MAP2K4: variants seen among roughly 807,000 people sequenced by gnomAD.
MAP2K4 encodes dual specificity mitogen-activated protein kinase kinase 4.
A neutral mutation model predicts 48.5 loss-of-function variants in MAP2K4; 4 were observed. The observed-to-expected ratio is 0.08, with a 90% CI of 0.04 to 0.19. MAP2K4 has a LOEUF of 0.19. MAP2K4 is among the 10% of genes least tolerant of loss of function. The pLI is 1.00. For missense variants in MAP2K4, 258 were observed against 493.3 expected, an observed-to-expected ratio of 0.52 and a Z score of 4.52; for synonymous variants, 166 against 173.1, an observed-to-expected ratio of 0.96 and a Z score of 0.32.
intron 3 of MAP2K4, among the ~76,000 whole-genome samples, chr17:12,090,527 C>G (rs148960495): frequency 3.3e-5 from 5 of 152,144 alleles, no homozygotes; most frequent in Non-Finnish European, 5.9e-5. Context: ...TATTTTGCCT[C>G]GTCTGCAACT....
intron 9 of MAP2K4, among the ~76,000 whole-genome samples, chr17:12,135,637 C>T (rs1973183115): frequency 6.6e-6 from 1 of 152,108 alleles, no homozygotes; most frequent in East Asian, 1.9e-4. Flanking sequence ...GCAGCCTCCA[C>T]CTCCCAGGTT....
chr17:12,059,942 T>C (rs9910198), intron 2 of MAP2K4, among the ~76,000 whole-genome samples: 145,427 of 152,212 alleles, frequency 0.96, 69,815 homozygotes, highest in East Asian at 1. Flanking sequence ...CTTTGGGAGG[T>C]CGAGGCAGGA....
Position 12,094,270 on chromosome 17 carries a change from T to A in MAP2K4, c.394-1305T>A, listed in dbSNP as rs551401012. Among the ~76,000 whole-genome samples the A allele has an allele frequency of 1.2e-4, 19 of 152,306 alleles. No homozygotes were observed. In the South Asian group the frequency reaches 3.9e-3, roughly 32 times the overall value. ...AAGCTGTAAATTTTAAGTAGCAAAA[T>A]TAAATTTGTTTGGAATATATGGAAT... On this transcript the variant is annotated intron_variant, in intron 3 of 10. Coordinates refer to ENST00000353533, the MANE Select transcript of MAP2K4 (RefSeq NM_003010.4).
chr17:12,108,715 G>A (rs1972208014), intron 5 of MAP2K4, among the ~76,000 whole-genome samples: 1 of 151,916 alleles, frequency 6.6e-6, no homozygotes, highest in South Asian at 2.1e-4. Context: ...TACTTTGGTT[G>A]CATGTAATTT....
chr17:12,130,161 A>T (rs1264594985), intron 9 of MAP2K4, among the ~76,000 whole-genome samples: 3 of 152,158 alleles, frequency 2.0e-5, no homozygotes, highest in Non-Finnish European at 4.4e-5. Flanking sequence ...TATAGACTTA[A>T]ATCAGGGTCT....
chr17:12,136,476 T>C (rs895403327), intron 9 of MAP2K4, among the ~76,000 whole-genome samples: 1 of 152,216 alleles, frequency 6.6e-6, no homozygotes, highest in Non-Finnish European at 1.5e-5. Context: ...AATAAAACTT[T>C]TTGAGATGCT....
chr17:12,034,278 A>T (rs184016867), intron 1 of MAP2K4, among the ~76,000 whole-genome samples: 1 of 152,370 alleles, frequency 6.6e-6, no homozygotes, highest in Admixed American at 6.5e-5. Context: ...CATTATAGAA[A>T]TGATAGGTTT....
At chr17:12,069,365 A>C (rs755185097) in intron 2 of MAP2K4, among the ~76,000 whole-genome samples, 1 of 152,158 alleles carries the variant, frequency 6.6e-6, no homozygotes, top group Non-Finnish European at 1.5e-5. Context: ...TTCTAAGGGT[A>C]AACTTAGAGT....
rs549950561 is a variant in MAP2K4, at chr17:12,097,672, A to G, written c.513+1978A>G. 7.9e-5 allele frequency among the ~76,000 whole-genome samples: 12 copies of G among 152,300 alleles called. 1 individual carries two copies. Among genetic ancestry groups the G allele is most frequent in the Middle Eastern group, 6.8e-3 (2 of 292 alleles). ...TTTCACATATGTTTTCTTCCCAGTAATCTTCGGGATTTGGTGGTATTATCT... is the reference window on the plus strand; with the variant it reads ...TTTCACATATGTTTTCTTCCCAGTAGTCTTCGGGATTTGGTGGTATTATCT... On this transcript the variant is annotated intron_variant, in intron 4 of 10. Coordinates refer to ENST00000353533, the MANE Select transcript of MAP2K4 (RefSeq NM_003010.4).
chr17:12,051,486 G>T (rs1029647515), intron 1 of MAP2K4, among the ~76,000 whole-genome samples: 1 of 152,122 alleles, frequency 6.6e-6, no homozygotes, highest in Non-Finnish European at 1.5e-5. Context: ...TTGATGCCTC[G>T]TTTCTCTCCT....
At chr17:12,107,339 G>C (rs1972146055) in intron 4 of MAP2K4, among the ~76,000 whole-genome samples, 1 of 150,330 alleles carries the variant, frequency 6.7e-6, no homozygotes, top group South Asian at 2.1e-4. Context: ...TTTGTACGGG[G>C]TCTTGAGGCA....
intron 1 of MAP2K4, among the ~76,000 whole-genome samples, chr17:12,035,084 A>T (rs1969551892): frequency 6.6e-6 from 1 of 152,202 alleles, no homozygotes; most frequent in African/African-American, 2.4e-5. Flanking sequence ...ATATATTAGC[A>T]CTTCTTCTAA....
intron 1 of MAP2K4, among the ~76,000 whole-genome samples, chr17:12,050,018 AG>A (rs1970084312): frequency 6.6e-6 from 1 of 152,246 alleles, no homozygotes; most frequent in Non-Finnish European, 1.5e-5. Flanking sequence ...ATGTTAAACA[AG>A]GGCTATCAAA....
intron 5 of MAP2K4, among the ~76,000 whole-genome samples, chr17:12,108,777 A>G (rs1377420109): frequency 6.6e-6 from 1 of 152,018 alleles, no homozygotes; most frequent in Admixed American, 6.6e-5. Flanking sequence ...TCACCAAGAT[A>G]TATACTCTTT....
intron 2 of MAP2K4, among the ~76,000 whole-genome samples, chr17:12,071,220 G>T (rs927508906): frequency 6.6e-6 from 1 of 152,160 alleles, no homozygotes; most frequent in Non-Finnish European, 1.5e-5. Context: ...CTGAGATTCT[G>T]GATGGACCTA....
intron 7 of MAP2K4, among the ~76,000 whole-genome samples, chr17:12,120,010 T>A (rs1191790443): frequency 1.3e-5 from 2 of 151,752 alleles, no homozygotes; most frequent in Non-Finnish European, 2.9e-5. Flanking sequence ...CCTACTTGAG[T>A]GTGGGAGGTG....
At chr17:12,042,504 A>G (rs1303036648) in intron 1 of MAP2K4, among the ~76,000 whole-genome samples, 1 of 151,818 alleles carries the variant, frequency 6.6e-6, no homozygotes, top group Non-Finnish European at 1.5e-5. Flanking sequence ...AAAATTAGCT[A>G]GGCGTGGTGG....
At chr17:12,062,916 T>G (rs1187068187) in intron 2 of MAP2K4, among the ~76,000 whole-genome samples, 1 of 151,504 alleles carries the variant, frequency 6.6e-6, no homozygotes, top group Non-Finnish European at 1.5e-5. Flanking sequence ...TTTCCCAGTC[T>G]TCTCCCTCCT....
chr17:12,067,432 G>A (rs543155837), intron 2 of MAP2K4, among the ~76,000 whole-genome samples: 22 of 152,194 alleles, frequency 1.4e-4, no homozygotes, highest in Non-Finnish European at 2.5e-4. Context: ...CGTCCTGTGC[G>A]TGGTAGAATG....
Sources: allele counts gnomAD v4.1 joint callset (sites outside exome capture counted in the v4.1 genomes callset), GRCh38; gene constraint gnomAD v4.1.1; transcripts MANE v1.5; gene names NCBI Gene and HGNC (gene_info 2026-07-23, HGNC 2026-07-21).